The following XIST variants were observed in gnomAD, a reference collection of about 807,000 sequenced individuals.
XIST encodes the protein X inactive specific transcript.
chrX:73,851,312 C>G (rs774217164), exon 1 of XIST: 46 of 557,768 alleles, frequency 8.2e-5, no homozygotes, highest in Non-Finnish European at 9.7e-6. Context: ...AAACCCAACA[C>G]GAAAAGCACA....
At chrX:73,841,136 A>G (rs1922578371) in intron 1 of XIST, among the ~76,000 whole-genome samples, 1 of 111,965 alleles carries the variant, frequency 8.9e-6, no homozygotes, top group South Asian at 3.7e-4. Flanking sequence ...TACCCAGGTT[A>G]TCAGTGTAAC....
At chrX:73,823,443 C>A in exon 6 of XIST, 1 of 513,847 alleles carries the variant, frequency 1.9e-6, no homozygotes, top group South Asian at 2.5e-5. Flanking sequence ...CAAAGATGTT[C>A]TTCTATCTTC....
At position 73,852,044 on chromosome X, in the gene XIST, C is replaced by T. The variant is rs755747522; in HGVS notation, n.680G>A. Reference sequence around the variant, plus strand: ...AAATCAAAGCAGGTATCCGCGGCCCCGATGGGCCAGAAAAACAAAAATTAA... The same window carrying T: ...AAATCAAAGCAGGTATCCGCGGCCCTGATGGGCCAGAAAAACAAAAATTAA... On this transcript the variant is annotated non_coding_transcript_exon_variant, in exon 1 of 6. Transcript: ENST00000429829. 10 of 548,030 alleles carry T rather than the reference C, an allele frequency of 1.8e-5. No individual in the cohort carries two copies. In the Admixed American group the frequency reaches 2.3e-4, roughly 13 times the overall value. The allele number at this position is 548,030 out of a possible 1,213,427, so 45.2% of individuals were successfully genotyped here. A position where few individuals can be genotyped will look rare whatever the true frequency, so the allele number is the denominator to read the frequency against.
chrX:73,821,614 T>G, exon 6 of XIST: 2 of 556,891 alleles, frequency 3.6e-6, no homozygotes, highest in Non-Finnish European at 6.5e-6. Context: ...GTAATGTTCT[T>G]AAGACCAATT....
Position 73,848,738 on chromosome X carries a change from T to C in XIST, n.3986A>G, listed in dbSNP as rs6528. On this transcript the variant is annotated non_coding_transcript_exon_variant, in exon 1 of 6. Transcript: ENST00000429829. ...GCACAGAACCATGAATATATGCAAT[T>C]ATGCATATCAACTGTTTAAGAGAAG... 14,582 of 556,611 alleles carry C rather than the reference T, an allele frequency of 0.026. 159 individuals carry two copies. Among genetic ancestry groups the C allele is most frequent in the Non-Finnish European group, 0.038 (11,741 of 308,730 alleles). The allele number at this position is 556,611 out of a possible 1,213,427, so 45.9% of individuals were successfully genotyped here.
exon 3 of XIST, chrX:73,833,301 A>G (rs763508347): frequency 3.2e-5 from 18 of 556,923 alleles, no homozygotes; most frequent in Non-Finnish European, 5.2e-5. Flanking sequence ...CAGATTCTCA[A>G]AGGGAAAGAT....
At chrX:73,843,609 A>C (rs781420984) in exon 1 of XIST, 6 of 558,798 alleles carry the variant, frequency 1.1e-5, no homozygotes, top group Non-Finnish European at 1.9e-5. Flanking sequence ...ATTAATGCAT[A>C]TTAAGTCCAA....
intron 3 of XIST, among the ~76,000 whole-genome samples, chrX:73,831,881 T>TC (rs1202015847): frequency 8.9e-6 from 1 of 112,382 alleles, no homozygotes; most frequent in Non-Finnish European, 1.9e-5. Context: ...ATTTGTACTT[T>TC]AAGTAGTGCC....
exon 1 of XIST, chrX:73,849,911 A>AG: frequency 1.9e-6 from 1 of 533,422 alleles, no homozygotes; most frequent in East Asian, 3.4e-5. Flanking sequence ...GGCTGGGGCT[A>AG]GACTAGGGGT....
chrX:73,847,201 G>C, exon 1 of XIST: 1 of 558,959 alleles, frequency 1.8e-6, no homozygotes, highest in Non-Finnish European at 3.2e-6. Context: ...CAGTCCAAGA[G>C]AGTGAATTCA....
chrX:73,820,999 G>T (rs758440880), exon 6 of XIST: 1 of 557,524 alleles, frequency 1.8e-6, no homozygotes, highest in African/African-American at 2.2e-5. Flanking sequence ...TCTTATTCTT[G>T]TTTAATCAGT....
chrX:73,845,041 T>C, exon 1 of XIST: 1 of 556,311 alleles, frequency 1.8e-6, no homozygotes, highest in Non-Finnish European at 3.2e-6. Flanking sequence ...TCAGCACACC[T>C]ACTGTACTGC....
At chrX:73,844,238 G>C (rs1410294661) in exon 1 of XIST, 12 of 558,798 alleles carry the variant, frequency 2.1e-5, no homozygotes, top group Non-Finnish European at 3.9e-5. Context: ...GTAGAACTTT[G>C]TTTAATTAGG....
At chrX:73,848,927 G>A in exon 1 of XIST, 1 of 556,088 alleles carries the variant, frequency 1.8e-6, no homozygotes, top group Non-Finnish European at 3.2e-6. Context: ...GGTCTTCTCT[G>A]TTACGCAGAA....
exon 1 of XIST, chrX:73,852,489 C>A (rs1922976920): frequency 1.8e-6 from 1 of 547,812 alleles, no homozygotes; most frequent in Non-Finnish European, 3.3e-6. Flanking sequence ...TAAAAATTGC[C>A]TCAAAATATT....
chrX:73,824,939 C>T (rs1922215278), exon 6 of XIST: 1 of 536,424 alleles, frequency 1.9e-6, no homozygotes, highest in Admixed American at 2.4e-5. Context: ...TTACAGTACC[C>T]AAAATAGCTG....
exon 1 of XIST, chrX:73,852,604 A>C: frequency 4.1e-6 from 2 of 493,804 alleles, no homozygotes; most frequent in Non-Finnish European, 7.1e-6. Flanking sequence ...ATTTTTTTAA[A>C]GAAATACGCC....
exon 1 of XIST, chrX:73,851,890 G>T (rs372745950): frequency 9.0e-6 from 5 of 555,918 alleles, no homozygotes; most frequent in Non-Finnish European, 1.6e-5. Context: ...CTGCCAAAGC[G>T]GTAGGTACAC....
At chrX:73,824,413 C>A in exon 6 of XIST, 1 of 554,067 alleles carries the variant, frequency 1.8e-6, no homozygotes, top group South Asian at 2.3e-5. Flanking sequence ...CCTTAGAGTT[C>A]ACAAAATGCT....
Sources: gnomAD v4.1 joint callset for allele counts (sites outside exome capture counted in the v4.1 genomes callset) on GRCh38, gnomAD v4.1.1 for gene constraint, MANE v1.5 for transcripts, NCBI Gene and HGNC (gene_info 2026-07-23, HGNC 2026-07-21) for gene names.